The following DPYD variants were observed in gnomAD, a reference collection of about 807,000 sequenced individuals.
DPYD encodes dihydropyrimidine dehydrogenase, also known as dihydropyrimidine dehydrogenase [NADP(+)].
A neutral mutation model predicts 116.2 loss-of-function variants in DPYD; 109 were observed. The observed-to-expected ratio is 0.94, with a 90% CI of 0.80 to 1.10. The LOEUF is 1.10. Among genes scored for constraint, DPYD ranks in the 50% least tolerant of loss-of-function variants. The pLI is 0.00. For missense variants in DPYD, 1,302 were observed against 1,254.5 expected (o/e 1.04, Z -0.57); for synonymous variants, 440 against 432.0 (o/e 1.02, Z -0.23).
chr1:97,139,483 T>A (rs1037703842), intron 20 of DPYD, among the ~76,000 whole-genome samples: 3 of 152,144 alleles, frequency 2.0e-5, no homozygotes, highest in Non-Finnish European at 2.9e-5. Flanking sequence ...AATGAAACAG[T>A]ATTAAACCCC....
intron 8 of DPYD, among the ~76,000 whole-genome samples, chr1:97,601,743 G>C (rs1015295156): frequency 2.0e-5 from 3 of 151,940 alleles, no homozygotes; most frequent in Non-Finnish European, 4.4e-5. Context: ...ATGGCCTATT[G>C]TGGTTCTTTT....
chr1:97,829,682 T>C (rs975917009), intron 2 of DPYD, among the ~76,000 whole-genome samples: 68 of 152,274 alleles, frequency 4.5e-4, no homozygotes, highest in African/African-American at 1.5e-3. Flanking sequence ...TTTTTGTTTG[T>C]TTCTTTTTGG....
chr1:97,849,158 T>C (rs1670454640), intron 2 of DPYD, among the ~76,000 whole-genome samples: 1 of 152,152 alleles, frequency 6.6e-6, no homozygotes, highest in African/African-American at 2.4e-5. Flanking sequence ...TAATACAAGA[T>C]TATGCAAAAC....
chr1:97,597,842 T>C (rs1654986794), intron 8 of DPYD, among the ~76,000 whole-genome samples: 1 of 152,186 alleles, frequency 6.6e-6, no homozygotes, highest in African/African-American at 2.4e-5. Context: ...TATCTACCCA[T>C]CTGTCCATCC....
intron 2 of DPYD, among the ~76,000 whole-genome samples, chr1:97,850,326 T>C (rs1458526867): frequency 6.6e-6 from 1 of 152,192 alleles, no homozygotes; most frequent in Non-Finnish European, 1.5e-5. Context: ...AAAATGTAGG[T>C]TAAATCTCTA....
At chr1:97,741,834 A>G (rs1664286378) in intron 3 of DPYD, among the ~76,000 whole-genome samples, 1 of 152,148 alleles carries the variant, frequency 6.6e-6, no homozygotes, top group Non-Finnish European at 1.5e-5. Context: ...CACAGATGAA[A>G]GACAGTAGTC....
chr1:97,501,142 T>C (rs748559504), intron 13 of DPYD, among the ~76,000 whole-genome samples: 5 of 151,982 alleles, frequency 3.3e-5, no homozygotes, highest in Admixed American at 1.3e-4. Context: ...GGTAATATTA[T>C]ATAACAAAGG....
At chr1:97,660,576 T>G (rs1659195534) in intron 8 of DPYD, among the ~76,000 whole-genome samples, 1 of 152,134 alleles carries the variant, frequency 6.6e-6, no homozygotes, top group South Asian at 2.1e-4. Context: ...TACTTATCAC[T>G]TTCTGTTCTG....
intron 3 of DPYD, among the ~76,000 whole-genome samples, chr1:97,792,308 C>G (rs1667361906): frequency 6.6e-6 from 1 of 151,218 alleles, no homozygotes; most frequent in Admixed American, 6.6e-5. Flanking sequence ...GAGTCTTGCT[C>G]TGCTGCCCAG....
chr1:97,368,381 T>C (rs1463216921), intron 16 of DPYD, among the ~76,000 whole-genome samples: 1 of 152,168 alleles, frequency 6.6e-6, no homozygotes, highest in Non-Finnish European at 1.5e-5. Flanking sequence ...CAAAATTCTG[T>C]GCTTTACTAT....
intron 14 of DPYD, among the ~76,000 whole-genome samples, chr1:97,419,159 C>T (rs957302012): frequency 2.0e-5 from 3 of 152,194 alleles, no homozygotes; most frequent in Non-Finnish European, 4.4e-5. Context: ...CATCTCCCTT[C>T]CCAAATCTCT....
At chr1:97,189,375 C>T (rs1255412813) in intron 20 of DPYD, among the ~76,000 whole-genome samples, 1 of 152,134 alleles carries the variant, frequency 6.6e-6, no homozygotes, top group Non-Finnish European at 1.5e-5. Context: ...CCCAAGTGAT[C>T]ATTAGTTTTT....
intron 12 of DPYD, among the ~76,000 whole-genome samples, chr1:97,524,957 A>G (rs1648947607): frequency 6.6e-6 from 1 of 152,188 alleles, no homozygotes; most frequent in East Asian, 1.9e-4. Flanking sequence ...AGCCTTGCCC[A>G]TTTCAATGAA....
At chr1:97,579,598 CAT>C (rs900337867) in intron 10 of DPYD, among the ~76,000 whole-genome samples, 3 of 152,250 alleles carry the variant, frequency 2.0e-5, no homozygotes, top group East Asian at 1.9e-4. Flanking sequence ...GTAATTCACA[CAT>C]GTCAGTGTTA....
chr1:97,378,335 T>G (rs1671753558), intron 15 of DPYD, among the ~76,000 whole-genome samples: 1 of 152,192 alleles, frequency 6.6e-6, no homozygotes, highest in Non-Finnish European at 1.5e-5. Context: ...CTCAAACTAT[T>G]TGGGATTTCT....
At chr1:97,283,726 T>C (rs1285005100) in intron 18 of DPYD, among the ~76,000 whole-genome samples, 2 of 152,186 alleles carry the variant, frequency 1.3e-5, no homozygotes, top group African/African-American at 2.4e-5. Context: ...GAAGTAGTTA[T>C]GTTGTTTCTT....
intron 2 of DPYD, among the ~76,000 whole-genome samples, chr1:97,854,260 A>T (rs1432811131): frequency 6.6e-6 from 1 of 152,238 alleles, no homozygotes; most frequent in East Asian, 1.9e-4. Flanking sequence ...AATTCATGAA[A>T]ATATCTGTAT....
At chr1:97,800,263 A>AT (rs1328855966) in intron 3 of DPYD, among the ~76,000 whole-genome samples, 1 of 151,692 alleles carries the variant, frequency 6.6e-6, no homozygotes, top group Admixed American at 6.6e-5. Context: ...GACTTCTCTT[A>AT]TTTTTTCTTA....
At chr1:97,496,631 T>C (rs193203347) in intron 13 of DPYD, among the ~76,000 whole-genome samples, 196 of 152,146 alleles carry the variant, frequency 1.3e-3, no homozygotes, top group African/African-American at 4.1e-3. Context: ...GCTCATGATA[T>C]TCATCTATAA....
Sources: allele counts gnomAD v4.1 joint callset (sites outside exome capture counted in the v4.1 genomes callset), GRCh38; gene constraint gnomAD v4.1.1; transcripts MANE v1.5; gene names NCBI Gene and HGNC (gene_info 2026-07-23, HGNC 2026-07-21).